Variants in BICDL1 observed in about 807,000 individuals in gnomAD.
The protein encoded by BICDL1 is BICD family like cargo adaptor 1, also known as BICD family-like cargo adapter 1.
Under a neutral mutation model 76.8 loss-of-function variants are expected in BICDL1, and 20 were observed. The observed-to-expected ratio is 0.26, with a 90% CI of 0.18 to 0.38. The LOEUF (loss-of-function observed/expected upper bound fraction) is 0.38. Among genes scored for constraint, BICDL1 ranks in the 10% least tolerant of loss-of-function variants. BICDL1 has a pLI of 1.00. For missense variants in BICDL1, 700 were observed against 798.6 expected, an observed-to-expected ratio of 0.88 and a Z score of 1.49; for synonymous variants, 383 against 337.1, an observed-to-expected ratio of 1.14 and a Z score of -1.49.
intron 2 of BICDL1, among the ~76,000 whole-genome samples, chr12:120,004,817 A>ATTTG (rs796832182): frequency 2.0e-5 from 3 of 152,038 alleles, no homozygotes; most frequent in Non-Finnish European, 2.9e-5. Flanking sequence ...AGTTTTATAG[A>ATTTG]TTTGTTTGTT....
intron 2 of BICDL1, among the ~76,000 whole-genome samples, chr12:120,010,657 C>G (rs78939834): frequency 0.023 from 3,527 of 152,268 alleles, 146 homozygotes; most frequent in African/African-American, 0.081. Flanking sequence ...CTGTCCCCTT[C>G]CCCATTTTCA....
intron 2 of BICDL1, among the ~76,000 whole-genome samples, chr12:120,043,147 A>G (rs1414830845): frequency 6.6e-6 from 1 of 152,226 alleles, no homozygotes; most frequent in Non-Finnish European, 1.5e-5. Context: ...CGTTGTTAAG[A>G]TAAAATGAAG....
chr12:120,022,988 T>C lies in BICDL1; in HGVS notation c.645+24252T>C, dbSNP rs531528627. Among the ~76,000 whole-genome samples the C allele has an allele frequency of 5.3e-5, 8 of 152,312 alleles. No homozygotes were observed. The East Asian group carries it at 1.4e-3, about 26-fold the overall frequency. On this transcript the variant is annotated intron_variant, in intron 2 of 9. Transcript: ENST00000548673. Reference sequence around the variant, plus strand: ...AATCAACATAAACATGTGAGCAAACTATTCAGGACTGGGGATTTGATGGAA... The same window carrying C: ...AATCAACATAAACATGTGAGCAAACCATTCAGGACTGGGGATTTGATGGAA...
chr12:120,090,769 C>T (rs1874888239), intron 9 of BICDL1: 1 of 650,902 alleles, frequency 1.5e-6, no homozygotes, highest in Non-Finnish European at 2.4e-6. Flanking sequence ...GGTGACCATT[C>T]CTCCCAGGGC....
chr12:120,016,634 G>T (rs1332391489), intron 2 of BICDL1, among the ~76,000 whole-genome samples: 1 of 151,808 alleles, frequency 6.6e-6, no homozygotes, highest in Non-Finnish European at 1.5e-5. Context: ...TGCCCAGGCT[G>T]ATCTTGAACT....
intron 3 of BICDL1, 47 bp from the exon 4 acceptor site, chr12:120,064,686 G>T (rs1395242766): frequency 6.4e-7 from 1 of 1,554,532 alleles, no homozygotes; most frequent in Admixed American, 2.0e-5. Flanking sequence ...CTACTTGTCA[G>T]CCCGGGTGTA....
chr12:120,094,269 C>T lies in BICDL1; in HGVS notation c.*1108C>T, dbSNP rs980170134. 4.4e-6 allele frequency: 2 copies of T among 456,704 alleles called. No individual in the cohort carries two copies. The highest frequency in any genetic ancestry group is 2.0e-5 in the African/African-American group (1 of 50,106). The allele number at this position is 456,704 out of a possible 1,614,324, so 28.3% of individuals were successfully genotyped here. ...GCTCACAACCGATTCAGTCTCCCTC[C>T]CTCCCTCACGTGGGGAAAGCACAGC... On this transcript the variant is annotated 3_prime_UTR_variant, in exon 10 of 10. Transcript: ENST00000548673.
At chr12:119,996,950 A>ATT (rs368753843) in intron 1 of BICDL1, among the ~76,000 whole-genome samples, 15 of 121,454 alleles carry the variant, frequency 1.2e-4, no homozygotes, top group Middle Eastern at 3.8e-3. Flanking sequence ...AAACAAAAAG[A>ATT]TTTTTTTTTT....
At chr12:120,064,657 T>C in intron 3 of BICDL1, 76 bp from the exon 4 acceptor site, 1 of 1,431,694 alleles carries the variant, frequency 7.0e-7, no homozygotes. Context: ...CTTCATGTTT[T>C]GGGGCTAGTC....
At chr12:120,081,212 G>A (rs1427383291) in intron 8 of BICDL1, among the ~76,000 whole-genome samples, 195 bp downstream of exon 8, 2 of 130,290 alleles carry the variant, frequency 1.5e-5, no homozygotes, top group Non-Finnish European at 3.1e-5. Flanking sequence ...TTGAAAGTTA[G>A]CTGTGCATTT....
intron 8 of BICDL1, among the ~76,000 whole-genome samples, chr12:120,089,610 G>A (rs1041404093): frequency 1.3e-5 from 2 of 151,900 alleles, no homozygotes; most frequent in Admixed American, 1.3e-4. Flanking sequence ...TCGAACCCTC[G>A]ATCTCAGGTG....
chr12:120,033,630 G>T (rs1208962867), intron 2 of BICDL1, among the ~76,000 whole-genome samples: 1 of 151,862 alleles, frequency 6.6e-6, no homozygotes, highest in Admixed American at 6.6e-5. Context: ...CTTGTGATCC[G>T]CCTGCCTCGG....
At chr12:120,022,864 G>A (rs80287133) in intron 2 of BICDL1, among the ~76,000 whole-genome samples, 2,089 of 152,270 alleles carry the variant, frequency 0.014, 45 homozygotes, top group East Asian at 0.044. Flanking sequence ...CAGTGAGACC[G>A]GTGCAGCTAC....
chr12:120,013,770 G>T (rs1446129791), intron 2 of BICDL1, among the ~76,000 whole-genome samples: 1 of 152,088 alleles, frequency 6.6e-6, no homozygotes, highest in Non-Finnish European at 1.5e-5. Flanking sequence ...CCTTTAACCA[G>T]TTTTTATCCC....
intron 2 of BICDL1, among the ~76,000 whole-genome samples, chr12:120,049,404 A>G (rs1464642101): frequency 6.6e-6 from 1 of 152,202 alleles, no homozygotes; most frequent in Non-Finnish European, 1.5e-5. Context: ...TTCATATTAC[A>G]TTTTTATATG....
intron 2 of BICDL1, among the ~76,000 whole-genome samples, chr12:120,044,023 G>C (rs533041026): frequency 1.3e-5 from 2 of 152,350 alleles, no homozygotes; most frequent in South Asian, 4.1e-4. Flanking sequence ...AGTTATGTCT[G>C]AACTGGGCTG....
intron 2 of BICDL1, among the ~76,000 whole-genome samples, chr12:120,055,990 G>A (rs750893869): frequency 6.6e-5 from 10 of 151,976 alleles, no homozygotes; most frequent in South Asian, 4.1e-4. Flanking sequence ...GTTCATAATA[G>A]CAAAAAAAAT....
At chr12:120,012,276 G>A (rs1951970534) in intron 2 of BICDL1, among the ~76,000 whole-genome samples, 1 of 152,224 alleles carries the variant, frequency 6.6e-6, no homozygotes, top group African/African-American at 2.4e-5. Context: ...TGTGGGGAAT[G>A]AGGAGGTGTT....
At chr12:120,054,587 A>T (rs1395385214) in intron 2 of BICDL1, among the ~76,000 whole-genome samples, 2 of 152,180 alleles carry the variant, frequency 1.3e-5, no homozygotes, top group African/African-American at 2.4e-5. Flanking sequence ...TAAAATGAGG[A>T]TTAATAATAG....
Sources: gnomAD v4.1 joint callset for allele counts (sites outside exome capture counted in the v4.1 genomes callset) on GRCh38, gnomAD v4.1.1 for gene constraint, MANE v1.5 for transcripts, NCBI Gene and HGNC (gene_info 2026-07-23, HGNC 2026-07-21) for gene names.